DPPA2: variants seen among roughly 807,000 people sequenced by gnomAD.
DPPA2 encodes the protein developmental pluripotency-associated protein 2.
Under a neutral mutation model 36.2 loss-of-function variants are expected in DPPA2, and 26 were observed. That is an observed-to-expected ratio of 0.72 (90% confidence interval 0.53 to 1.00). The LOEUF (loss-of-function observed/expected upper bound fraction) is 1.00, where lower values mean the gene tolerates loss of function less well. Ranked by LOEUF, DPPA2 falls within the 50% of genes least tolerant of loss-of-function variation. DPPA2 has a pLI of 0.00. For missense variants in DPPA2, 361 were observed against 365.1 expected, an observed-to-expected ratio of 0.99 and a Z score of 0.09; for synonymous variants, 113 against 123.2, an observed-to-expected ratio of 0.92 and a Z score of 0.55.
intron 8 of DPPA2, among the ~76,000 whole-genome samples, chr3:109,299,685 T>C (rs1223616503): frequency 1.8e-5 from 2 of 108,200 alleles, no homozygotes; most frequent in Non-Finnish European, 3.7e-5. Context: ...AGACCCCGTC[T>C]CAAAAAAAAA....
chr3:109,304,767 T>C (rs557447744), intron 6 of DPPA2, 97 bp from the exon 7 acceptor site: 11 of 1,260,534 alleles, frequency 8.7e-6, no homozygotes, highest in Non-Finnish European at 8.7e-6. Flanking sequence ...TGTATTCTGC[T>C]CACAAATCAA....
At position 109,300,985 on chromosome 3, in the gene DPPA2, C is replaced by CTTTT. The variant is rs36123123; in HGVS notation, c.855-554_855-551dup. 3.6e-3 allele frequency among the ~76,000 whole-genome samples: 506 copies of CTTTT among 139,214 alleles called. 5 individuals are homozygous for CTTTT. The highest frequency in any genetic ancestry group is 0.013 in the African/African-American group (475 of 37,336). The allele number at this position is 139,214 out of a possible 152,430, so 91.3% of individuals were successfully genotyped here. Reference sequence around the variant, plus strand: ...CCACATACTGCAATGGATCTCACATCTTTTTTTTTTTTTTTTAAGACAGGT... The same window carrying CTTTT: ...CCACATACTGCAATGGATCTCACATCTTTTTTTTTTTTTTTTTTTTAAGACAGGT... On this transcript the variant is annotated intron_variant, in intron 7 of 8. Coordinates refer to ENST00000478945, the MANE Select transcript of DPPA2 (RefSeq NM_138815.4).
At position 109,312,346 on chromosome 3, in the gene DPPA2, A is replaced by T. The variant is rs142240593; in HGVS notation, c.181+199T>A. Among the ~76,000 whole-genome samples, 444 of 152,276 alleles carry T rather than the reference A, an allele frequency of 2.9e-3. 1 individual carries two copies. Among genetic ancestry groups the T allele is most frequent in the Middle Eastern group, 6.8e-3 (2 of 294 alleles). On this transcript the variant is annotated intron_variant, in intron 3 of 8. Transcript: ENST00000478945. Reference sequence around the variant, plus strand: ...GAGACTCCATCTCCAAAAAATAAATAAATTAATTAAAGTATGGCAGTACAT... The same window carrying T: ...GAGACTCCATCTCCAAAAAATAAATTAATTAATTAAAGTATGGCAGTACAT...
chr3:109,298,817 CA>C (rs1172644404), intron 8 of DPPA2, among the ~76,000 whole-genome samples: 2 of 149,474 alleles, frequency 1.3e-5, no homozygotes, highest in Non-Finnish European at 3.0e-5. Context: ...TGCTTGAGCT[CA>C]GGAGTTCAAT....
At chr3:109,313,847 G>A (rs939133535) in intron 2 of DPPA2, among the ~76,000 whole-genome samples, 2 of 152,170 alleles carry the variant, frequency 1.3e-5, no homozygotes, top group African/African-American at 4.8e-5. Context: ...ACAGAGAAAA[G>A]TAGGGGCTCA....
In DPPA2 at chr3:109,308,089, C is replaced by G. The variant is rs773427525; in HGVS notation, c.601G>C (p.Ala201Pro). 2 of 1,614,200 alleles carry G rather than the reference C, an allele frequency of 1.2e-6. No individual in the cohort carries two copies. Among genetic ancestry groups the G allele is most frequent in the African/African-American group, 2.7e-5 (2 of 75,050 alleles). The change falls in exon 6 of 9, where the codon GCT becomes CCT. Residue 201 changes from alanine (A) to proline (P), a missense_variant. Transcript: ENST00000478945. ...RIAARAVQPKALNSCSIPVSV... is the reference protein window; with the variant it reads ...RIAARAVQPKPLNSCSIPVSV... ...ACAGGAATGGAACATGAATTCAAAG[C>G]CTTAGGCTGAACAGCTCTTGCAGCA...
At chr3:109,296,831 A>G (rs1707359457) in intron 8 of DPPA2, among the ~76,000 whole-genome samples, 1 of 152,140 alleles carries the variant, frequency 6.6e-6, no homozygotes. Context: ...AGGCCAGGCA[A>G]AATCCTAGCA....
At chr3:109,308,581 C>T (rs1423447685) in intron 5 of DPPA2, among the ~76,000 whole-genome samples, 5 of 152,152 alleles carry the variant, frequency 3.3e-5, no homozygotes, top group Non-Finnish European at 7.3e-5. Flanking sequence ...AGGCCGGTCT[C>T]GAACTCCTGA....
At chr3:109,306,249 T>C (rs1707562683) in intron 6 of DPPA2, among the ~76,000 whole-genome samples, 1 of 152,168 alleles carries the variant, frequency 6.6e-6, no homozygotes, top group Non-Finnish European at 1.5e-5. Context: ...TAAGTCACTG[T>C]GGGATAATAG....
chr3:109,294,539 G>A (rs1707317981), intron 8 of DPPA2, among the ~76,000 whole-genome samples: 1 of 152,150 alleles, frequency 6.6e-6, no homozygotes, highest in South Asian at 2.1e-4. Flanking sequence ...AGAATATACT[G>A]CAAGTCACAA....
intron 3 of DPPA2, among the ~76,000 whole-genome samples, chr3:109,309,880 G>A (rs34368238): frequency 0.27 from 40,204 of 151,360 alleles, 5,559 homozygotes; most frequent in Middle Eastern, 0.34. Context: ...TCAGGAGATC[G>A]AGACCAGCCC....
chr3:109,294,851 G>C lies in DPPA2; in HGVS notation c.*23-847C>G, dbSNP rs184435208. ...AGCCTGGCCAATACAGTGAAACCCTGTCTCTACTAAAAATACAAAATTAGT... is the reference window on the plus strand; with the variant it reads ...AGCCTGGCCAATACAGTGAAACCCTCTCTCTACTAAAAATACAAAATTAGT... On this transcript the variant is annotated intron_variant, in intron 8 of 8. Transcript: ENST00000478945. Among the ~76,000 whole-genome samples the C allele has an allele frequency of 1.9e-3, 296 of 152,162 alleles. 1 individual carries two copies. Among genetic ancestry groups the C allele is most frequent in the African/African-American group, 6.5e-3 (271 of 41,520 alleles).
intron 1 of DPPA2, among the ~76,000 whole-genome samples, chr3:109,316,054 C>T (rs1295626920): frequency 6.6e-6 from 1 of 152,026 alleles, no homozygotes; most frequent in Non-Finnish European, 1.5e-5. Flanking sequence ...CACAAGCCCT[C>T]CAGGTAATTT....
chr3:109,304,046 C>T (rs186558685), intron 7 of DPPA2, among the ~76,000 whole-genome samples: 72 of 151,880 alleles, frequency 4.7e-4, no homozygotes, highest in Admixed American at 3.3e-3. Flanking sequence ...CCGAGGCGGG[C>T]GGATCATGAG....
intron 3 of DPPA2, among the ~76,000 whole-genome samples, chr3:109,312,266 G>A (rs974079740): frequency 3.9e-5 from 6 of 152,160 alleles, no homozygotes; most frequent in South Asian, 2.1e-4. Context: ...CTCAGAAGGC[G>A]GAGGTTGCAG....
intron 3 of DPPA2, among the ~76,000 whole-genome samples, chr3:109,311,025 C>T (rs1180899513): frequency 6.6e-6 from 1 of 151,776 alleles, no homozygotes; most frequent in East Asian, 1.9e-4. Flanking sequence ...TGGTCTTGAA[C>T]CCCTGGCCTC....
intron 3 of DPPA2, among the ~76,000 whole-genome samples, chr3:109,310,791 A>G (rs1445640915): frequency 6.6e-6 from 1 of 150,702 alleles, no homozygotes; most frequent in Non-Finnish European, 1.5e-5. Context: ...GGCATGAGCC[A>G]CCGCACCCAG....
At chr3:109,302,624 T>C (rs1707475987) in intron 7 of DPPA2, among the ~76,000 whole-genome samples, 1 of 152,042 alleles carries the variant, frequency 6.6e-6, no homozygotes, top group Admixed American at 6.6e-5. Context: ...CAGCTAATTT[T>C]TGTGTTTTTA....
chr3:109,312,445 G>A (rs534536500), intron 3 of DPPA2, 100 bp downstream of exon 3: 5 of 1,386,028 alleles, frequency 3.6e-6, no homozygotes, highest in Non-Finnish European at 4.8e-6. Flanking sequence ...GATTTAAGCT[G>A]GGTGTTGTAT....
Sources: allele counts gnomAD v4.1 joint callset (sites outside exome capture counted in the v4.1 genomes callset), GRCh38; gene constraint gnomAD v4.1.1; transcripts MANE v1.5; gene names NCBI Gene and HGNC (gene_info 2026-07-23, HGNC 2026-07-21).